ADAMTSL2: variants seen among roughly 807,000 people sequenced by gnomAD.
The protein encoded by ADAMTSL2 is ADAMTS like 2.
In ADAMTSL2, 55 loss-of-function variants were observed where a neutral mutation model predicts 117.0. The ratio of observed to expected loss-of-function variants is 0.47; its 90% CI spans 0.38 to 0.59. ADAMTSL2 has a LOEUF of 0.59. ADAMTSL2 is among the 20% of genes least tolerant of loss of function. The pLI, the probability that ADAMTSL2 is intolerant of heterozygous loss-of-function variation, is 0.00. For missense variants in ADAMTSL2, 1,182 were observed against 1,354.5 expected (o/e 0.87, Z 2.00); for synonymous variants, 572 against 566.4 (o/e 1.01, Z -0.14).
chr9:133,534,854 G>GC lies in ADAMTSL2; in HGVS notation c.-212dup, dbSNP rs539826426. On this transcript the variant is annotated 5_prime_UTR_variant, in exon 1 of 19. The change creates a premature stop within an existing upstream ORF in the 5' untranslated region. Coordinates refer to ENST00000651351, the MANE Select transcript of ADAMTSL2 (RefSeq NM_014694.4). The stretch of plus-strand genomic sequence containing the variant: ...CCCCCGCACGCACAGCGCACCTGGC[G>GC]CCGTCTGCCCTCCGCAGCGCTCGCC... 2,421 of 1,495,150 alleles carry GC rather than the reference G, an allele frequency of 1.6e-3. 39 individuals carry two copies. The South Asian group carries it at 0.021, about 13-fold the overall frequency. 92.6% of individuals were successfully genotyped at this position (1,495,150 alleles called of 1,614,324 possible).
intron 11 of ADAMTSL2, among the ~76,000 whole-genome samples, chr9:133,560,437 C>T (rs1220647170): frequency 6.6e-6 from 1 of 152,240 alleles, no homozygotes; most frequent in Non-Finnish European, 1.5e-5. Context: ...CTGCTTCCCT[C>T]CTCCCCTGCC....
intron 9 of ADAMTSL2, among the ~76,000 whole-genome samples, chr9:133,547,434 C>A (rs544662034): frequency 6.6e-6 from 1 of 152,274 alleles, no homozygotes; most frequent in African/African-American, 2.4e-5. Context: ...TTCATTCACT[C>A]GGATTTTGGT....
At chr9:133,539,672 C>T (rs548428950) in intron 4 of ADAMTSL2, 99 bp from the exon 5 acceptor site, 4 of 1,253,154 alleles carry the variant, frequency 3.2e-6, no homozygotes, top group South Asian at 2.6e-5. Context: ...CCGGCTGTCC[C>T]GGCTGTCCCG....
intron 7 of ADAMTSL2, among the ~76,000 whole-genome samples, chr9:133,541,641 C>T (rs995237931): frequency 2.0e-5 from 3 of 152,308 alleles, no homozygotes; most frequent in African/African-American, 4.8e-5. Context: ...ATTCTCTCCA[C>T]GGATATGAGG....
At position 133,554,821 on chromosome 9, in the gene ADAMTSL2, C is replaced by T; in HGVS notation, c.1276+128C>T. On this transcript the variant is annotated intron_variant, in intron 10 of 18. Transcript: ENST00000651351. The surrounding 1 kb of genome is among the most constrained non-coding windows in gnomAD (Gnocchi z 5.2). ...GTTCCTAAGAGCTGCCAGCTACCTG[C>T]AGATGTCCTCTGGGCAGGCACAGGG... 1 of 807,698 alleles carries T rather than the reference C, an allele frequency of 1.2e-6. No individual in the cohort carries two copies. Among genetic ancestry groups the T allele is most frequent in the East Asian group, 2.7e-5 (1 of 36,910 alleles). The allele number at this position is 807,698 out of a possible 1,614,324, so 50.0% of individuals were successfully genotyped here. A position where few individuals can be genotyped will look rare whatever the true frequency, so the allele number is the denominator to read the frequency against.
Position 133,537,509 on chromosome 9 carries a change from T to C in ADAMTSL2, c.195T>C (p.Gly65=). Residue 65 remains glycine (G), a synonymous_variant, in exon 3 of 19, where the codon GGT becomes GGC. Transcript: ENST00000651351. ...CGGCGTGTTCCCGCAGTTGCGGGGGTGGGGTGACATCCCAGGAGCGGCACT... is the reference window on the plus strand; with the variant it reads ...CGGCGTGTTCCCGCAGTTGCGGGGGCGGGGTGACATCCCAGGAGCGGCACT... The part of the protein sequence containing the change: ...KWTACSRSCG[G]GVTSQERHCL... 7.4e-7 allele frequency: 1 copy of C among 1,346,112 alleles called. No individual in the cohort carries two copies. Among genetic ancestry groups the C allele is most frequent in the African/African-American group, 1.5e-5 (1 of 66,372 alleles). 83.4% of individuals were successfully genotyped at this position (1,346,112 alleles called of 1,614,324 possible). A position where few individuals can be genotyped will look rare whatever the true frequency, so the allele number is the denominator to read the frequency against.
intron 9 of ADAMTSL2, among the ~76,000 whole-genome samples, chr9:133,553,096 G>A (rs902385697): frequency 6.6e-6 from 1 of 152,194 alleles, no homozygotes; most frequent in African/African-American, 2.4e-5. Flanking sequence ...CCGCGTGGCC[G>A]TGAAGGCAGA....
Position 133,547,112 on chromosome 9 carries a change from G to T in ADAMTSL2, c.838G>T (p.Ala280Ser), listed in dbSNP as rs1306738246. 3.7e-6 allele frequency: 6 copies of T among 1,613,756 alleles called. No individual in the cohort carries two copies. Among genetic ancestry groups the T allele is most frequent in the Non-Finnish European group, 5.1e-6 (6 of 1,179,792 alleles). ...GGACAGCCCCAAGAACTTCAACATC[G>T]CAGGCACGGTGGTCAAGTACAGGCG... Reference protein sequence around the residue: ...KVDSPKNFNIAGTVVKYRRPM... With the variant: ...KVDSPKNFNISGTVVKYRRPM... Residue 280 changes from alanine (A) to serine (S), a missense_variant, in exon 9 of 19, where the codon GCA (alanine) becomes TCA (serine). This residue lies in a region of ADAMTSL2 where 372 missense variants were observed against 463.4 expected (regional missense o/e 0.80). Transcript: ENST00000651351.
intron 10 of ADAMTSL2, among the ~76,000 whole-genome samples, chr9:133,555,295 G>T (rs376277640): frequency 5.2e-4 from 72 of 137,498 alleles, no homozygotes; most frequent in African/African-American, 1.7e-3. Context: ...GAGGTTCCGG[G>T]GGGGGCCATG....
intron 12 of ADAMTSL2, among the ~76,000 whole-genome samples, chr9:133,562,460 G>T (rs1451090380): frequency 6.7e-6 from 1 of 148,326 alleles, no homozygotes; most frequent in Non-Finnish European, 1.5e-5. Context: ...GGCTCGCACC[G>T]CCGTGGGCGG....
At chr9:133,549,830 G>A (rs1387863894) in intron 9 of ADAMTSL2, among the ~76,000 whole-genome samples, 1 of 152,190 alleles carries the variant, frequency 6.6e-6, no homozygotes, top group African/African-American at 2.4e-5. Context: ...GTCTTTGGGT[G>A]GAAACGTTCC....
At chr9:133,535,902 G>C (rs907367056) in intron 1 of ADAMTSL2, among the ~76,000 whole-genome samples, 2 of 152,184 alleles carry the variant, frequency 1.3e-5, no homozygotes, top group African/African-American at 4.8e-5. Context: ...CTTCCAATGG[G>C]CTTGCTTTGA....
At position 133,562,906 on chromosome 9, in the gene ADAMTSL2, C is replaced by T. The variant is rs1186951304; in HGVS notation, c.1747+1611C>T. Among the ~76,000 whole-genome samples, 16 of 118,030 alleles carry T rather than the reference C, an allele frequency of 1.4e-4. 3 individuals carry two copies. The highest frequency in any genetic ancestry group is 5.6e-4 in the African/African-American group (15 of 26,950). 77.4% of individuals were successfully genotyped at this position (118,030 alleles called of 152,430 possible). ...GCACCCGGCTTGGCCAGGCTTGCAC[C>T]GCTGTGGGCGGCGTGGTGGGCACCG... is the stretch of plus-strand genomic sequence containing the variant. On this transcript the variant is annotated intron_variant, in intron 12 of 18. Coordinates refer to ENST00000651351, the MANE Select transcript of ADAMTSL2 (RefSeq NM_014694.4).
rs1831024806 is a variant in ADAMTSL2 at position 133,568,360 on chromosome 9, G to A, written c.1962G>A (p.Ser654=). The A allele has an allele frequency of 4.4e-6, 7 of 1,596,584 alleles. No individual in the cohort carries two copies. Among genetic ancestry groups the A allele is most frequent in the Middle Eastern group, 1.7e-4 (1 of 6,020 alleles). ...TCGTGCGCTGCTGGAAGATGCTCTC[G>A]CCCGGCTTCGACAGCTCCGTGTACA... is the stretch of plus-strand genomic sequence containing the variant. ...FRVVRCWKML[S]PGFDSSVYSD... is the part of the protein sequence containing the mutation. Residue 654 remains serine (S), a synonymous_variant, in exon 14 of 19, where the codon TCG becomes TCA. Transcript: ENST00000651351.
chr9:133,568,266 G>C lies in ADAMTSL2; in HGVS notation c.1875-7G>C. 1.3e-6 allele frequency: 2 copies of C among 1,559,106 alleles called. No individual in the cohort carries two copies. The highest frequency in any genetic ancestry group is 2.4e-5 in the South Asian group (2 of 84,920). On this transcript the variant is annotated splice_polypyrimidine_tract_variant and splice_region_variant and intron_variant, in intron 13 of 18. Transcript: ENST00000651351. Reference sequence around the variant, plus strand: ...GGATCATTGAAGGCCATCCGCTCCCGGGGCAGGTGGGAGACGAGCAGCTGG... The same window carrying C: ...GGATCATTGAAGGCCATCCGCTCCCCGGGCAGGTGGGAGACGAGCAGCTGG...
chr9:133,572,174 C>T (rs1165376443), intron 17 of ADAMTSL2, among the ~76,000 whole-genome samples: 2 of 142,806 alleles, frequency 1.4e-5, no homozygotes, highest in African/African-American at 5.2e-5. Context: ...CCTGCCCCGC[C>T]ACCCCCCACC....
rs546645209 is a variant in ADAMTSL2 at position 133,575,078 on chromosome 9, A to G, written c.*214A>G. On this transcript the variant is annotated 3_prime_UTR_variant, in exon 19 of 19. Transcript: ENST00000651351. ...CGGCACCCAGTGGCCTCCCCCAGACAGAGCCACCCCTGCCGTGGGAACCTG... is the reference window on the plus strand; with the variant it reads ...CGGCACCCAGTGGCCTCCCCCAGACGGAGCCACCCCTGCCGTGGGAACCTG... 256 of 588,096 alleles carry G rather than the reference A, an allele frequency of 4.4e-4. No individual in the cohort carries two copies. The highest frequency in any genetic ancestry group is 4.1e-3 in the African/African-American group (220 of 53,708). The allele number at this position is 588,096 out of a possible 1,614,324, so 36.4% of individuals were successfully genotyped here. A position where few individuals can be genotyped will look rare whatever the true frequency, so the allele number is the denominator to read the frequency against.
chr9:133,566,962 G>A lies in ADAMTSL2; in HGVS notation c.1774G>A (p.Val592Ile). 1 of 1,610,270 alleles carries A rather than the reference G, an allele frequency of 6.2e-7. No individual in the cohort carries two copies. The highest frequency in any genetic ancestry group is 8.5e-7 in the Non-Finnish European group (1 of 1,178,814). ...TGVMSAYAMC[V>I]RYDGVEVDDS... ...GGTCATGTCTGCGTACGCCATGTGTGTCCGCTATGATGGCGTCGAGGTGGA... is the reference window on the plus strand; with the variant it reads ...GGTCATGTCTGCGTACGCCATGTGTATCCGCTATGATGGCGTCGAGGTGGA... Residue 592 changes from valine to isoleucine, a missense_variant, in exon 13 of 19, where the codon GTC becomes ATC. Transcript: ENST00000651351.
At chr9:133,539,669 T>TCCCGGCTGTCCCGGCTGC in intron 4 of ADAMTSL2, 102 bp from the exon 5 acceptor site, 5 of 1,199,738 alleles carry the variant, frequency 4.2e-6, no homozygotes, top group South Asian at 1.3e-5. Flanking sequence ...GTCCCGGCTG[T>TCCCGGCTGTCCCGGCTGC]CCCGGCTGTC....
Sources: allele counts gnomAD v4.1 joint callset (sites outside exome capture counted in the v4.1 genomes callset), GRCh38; gene constraint gnomAD v4.1.1; regional missense constraint gnomAD v4.1.1; non-coding constraint Gnocchi (gnomAD v3.1); transcripts MANE v1.5; gene names NCBI Gene and HGNC (gene_info 2026-07-23, HGNC 2026-07-21).